NKAIN3: variants seen among roughly 807,000 people sequenced by gnomAD.
NKAIN3 encodes the protein sodium/potassium transporting ATPase interacting 3.
Under a neutral mutation model 30.2 loss-of-function variants are expected in NKAIN3, and 25 were observed. That is an observed-to-expected ratio of 0.83 (90% CI 0.60 to 1.16). The LOEUF (loss-of-function observed/expected upper bound fraction) is 1.16, where lower values mean the gene tolerates loss of function less well. NKAIN3 is among the 50% of genes most tolerant of loss of function. NKAIN3 has a pLI of 0.00. For synonymous variants in NKAIN3, 91 were observed against 89.6 expected (o/e 1.02, Z -0.09); for missense variants, 225 against 254.1 (o/e 0.89, Z 0.78).
chr8:62,612,064 AGCCTGTTT>A (rs1370520921), intron 3 of NKAIN3, among the ~76,000 whole-genome samples: 2 of 151,976 alleles, frequency 1.3e-5, no homozygotes, highest in African/African-American at 4.8e-5. Context: ...CTTTTTCATA[AGCCTGTTT>A]GCCATTTGTA....
At chr8:62,847,867 G>T (rs79039632) in intron 4 of NKAIN3, among the ~76,000 whole-genome samples, 1,563 of 152,258 alleles carry the variant, frequency 0.01, 21 homozygotes, top group African/African-American at 0.036. Context: ...ACAATGTAAG[G>T]AAAGGATCCA....
chr8:62,374,234 TTTAGTGGC>T (rs1442458141), intron 1 of NKAIN3, among the ~76,000 whole-genome samples: 3 of 152,168 alleles, frequency 2.0e-5, no homozygotes, highest in Non-Finnish European at 2.9e-5. Context: ...TGAGAAGGTT[TTTAGTGGC>T]TGTCTCTGGA....
At chr8:62,457,030 T>C (rs1051736461) in intron 1 of NKAIN3, among the ~76,000 whole-genome samples, 14 of 152,362 alleles carry the variant, frequency 9.2e-5, no homozygotes, top group East Asian at 7.7e-4. Context: ...GCTGGGTTTT[T>C]CATTCATCTG....
At chr8:62,886,775 C>T (rs1821158481) in intron 4 of NKAIN3, among the ~76,000 whole-genome samples, 1 of 152,038 alleles carries the variant, frequency 6.6e-6, no homozygotes, top group Non-Finnish European at 1.5e-5. Flanking sequence ...GGTTTTAAGC[C>T]CTGCATGCAT....
intron 3 of NKAIN3, among the ~76,000 whole-genome samples, chr8:62,657,784 T>G (rs1170735281): frequency 2.0e-5 from 3 of 152,322 alleles, no homozygotes; most frequent in Middle Eastern, 3.4e-3. Flanking sequence ...ATAGGAACTC[T>G]GAAGTCTATT....
chr8:62,857,056 GT>G, intron 4 of NKAIN3: 1 of 497,254 alleles, frequency 2.0e-6, no homozygotes. Context: ...ATCGGCCTCA[GT>G]TTTGTAATAC....
intron 1 of NKAIN3, among the ~76,000 whole-genome samples, chr8:62,553,249 A>T (rs527446795): frequency 2.6e-5 from 4 of 152,226 alleles, no homozygotes; most frequent in African/African-American, 9.6e-5. Context: ...TTATTACTAA[A>T]TCTATTATGA....
chr8:62,584,024 T>A (rs181634097), intron 2 of NKAIN3, among the ~76,000 whole-genome samples: 1 of 152,164 alleles, frequency 6.6e-6, no homozygotes, highest in South Asian at 2.1e-4. Context: ...TTAATTCTGA[T>A]ATTTAAAAAA....
chr8:62,786,943 C>G (rs1400326533), intron 4 of NKAIN3, among the ~76,000 whole-genome samples: 1 of 152,144 alleles, frequency 6.6e-6, no homozygotes, highest in African/African-American at 2.4e-5. Context: ...CACAGCTGCT[C>G]TCTACCCTGA....
intron 1 of NKAIN3, among the ~76,000 whole-genome samples, chr8:62,462,187 G>T (rs1414985524): frequency 6.6e-6 from 1 of 152,112 alleles, no homozygotes; most frequent in Non-Finnish European, 1.5e-5. Context: ...CAGTTTTGGT[G>T]GTGGGAACAT....
intron 4 of NKAIN3, among the ~76,000 whole-genome samples, chr8:62,847,033 A>C (rs1021545052): frequency 1.3e-5 from 2 of 152,132 alleles, no homozygotes; most frequent in African/African-American, 4.8e-5. Context: ...TGCCCTTGAC[A>C]TGTGGGGATT....
intron 3 of NKAIN3, among the ~76,000 whole-genome samples, chr8:62,604,361 A>G (rs1313058219): frequency 6.6e-6 from 1 of 152,134 alleles, no homozygotes; most frequent in African/African-American, 2.4e-5. Flanking sequence ...TAACAGTAGG[A>G]CAGGAAAAAT....
chr8:62,678,138 A>G (rs1813536812), intron 3 of NKAIN3, among the ~76,000 whole-genome samples: 1 of 152,200 alleles, frequency 6.6e-6, no homozygotes, highest in Admixed American at 6.5e-5. Flanking sequence ...TGCAGATGTA[A>G]TAAAGGTTAG....
rs1345192067 is a variant in NKAIN3 at position 62,970,308 on chromosome 8, A to G, written c.*4901A>G. Among the ~76,000 whole-genome samples, 1 of 152,170 alleles carries G rather than the reference A, an allele frequency of 6.6e-6. No homozygotes were observed. The highest frequency in any genetic ancestry group is 2.4e-5 in the African/African-American group (1 of 41,452). On this transcript the variant is annotated 3_prime_UTR_variant, in exon 7 of 7. Transcript: ENST00000623646. ...AATTCTCAAAAAAATGGAATTATCA[A>G]AAAATTCAAAAGTTATGGGTAGCAT...
At chr8:62,534,147 G>A (rs116514911) in intron 1 of NKAIN3, among the ~76,000 whole-genome samples, 4,334 of 152,154 alleles carry the variant, frequency 0.028, 210 homozygotes, top group African/African-American at 0.099. Context: ...AGCACCACGG[G>A]CATGAGATGA....
chr8:62,477,778 C>A (rs1806568581), intron 1 of NKAIN3, among the ~76,000 whole-genome samples: 1 of 151,784 alleles, frequency 6.6e-6, no homozygotes, highest in South Asian at 2.1e-4. Context: ...TGGGCACAGG[C>A]CAGAAGCTGG....
intron 3 of NKAIN3, among the ~76,000 whole-genome samples, chr8:62,631,090 C>T (rs932096664): frequency 1.3e-5 from 2 of 152,090 alleles, no homozygotes; most frequent in Non-Finnish European, 2.9e-5. Flanking sequence ...CACTAATAAC[C>T]ACTTCATGTA....
intron 1 of NKAIN3, among the ~76,000 whole-genome samples, chr8:62,553,644 C>A (rs1359749358): frequency 4.0e-5 from 6 of 151,336 alleles, no homozygotes; most frequent in Non-Finnish European, 8.8e-5. Flanking sequence ...TCAAGCGATT[C>A]TCTTGCCTCA....
At chr8:62,883,119 G>C (rs1821037412) in intron 4 of NKAIN3, among the ~76,000 whole-genome samples, 1 of 152,120 alleles carries the variant, frequency 6.6e-6, no homozygotes, top group Admixed American at 6.5e-5. Flanking sequence ...ATTTTGATTG[G>C]AATTTTGTTG....
Sources: allele counts gnomAD v4.1 joint callset (sites outside exome capture counted in the v4.1 genomes callset), GRCh38; gene constraint gnomAD v4.1.1; transcripts MANE v1.5; gene names NCBI Gene and HGNC (gene_info 2026-07-23, HGNC 2026-07-21).